FER: variants seen among roughly 807,000 people sequenced by gnomAD.
FER encodes the protein tyrosine-protein kinase Fer.
Under a neutral mutation model 111.0 loss-of-function variants are expected in FER, and 63 were observed. That is an observed-to-expected ratio of 0.57 (90% CI 0.46 to 0.70). FER has a LOEUF of 0.70. Ranked by LOEUF, FER falls within the 30% of genes least tolerant of loss-of-function variation. The pLI is 0.00. For synonymous variants in FER, 327 were observed against 313.9 expected (o/e 1.04, Z -0.44); for missense variants, 914 against 954.0 (o/e 0.96, Z 0.55).
At chr5:109,072,034 CAG>C (rs1382026628) in intron 16 of FER, among the ~76,000 whole-genome samples, 1 of 150,978 alleles carries the variant, frequency 6.6e-6, no homozygotes, top group Non-Finnish European at 1.5e-5. Context: ...AAATATAAAT[CAG>C]AAAGATATTT....
chr5:109,151,872 A>G (rs1754890083), intron 17 of FER, among the ~76,000 whole-genome samples: 1 of 152,164 alleles, frequency 6.6e-6, no homozygotes, highest in Non-Finnish European at 1.5e-5. Context: ...AAAATCAGAA[A>G]GCAAATGACT....
At chr5:108,905,984 G>T (rs759084478) in intron 10 of FER, among the ~76,000 whole-genome samples, 3 of 152,132 alleles carry the variant, frequency 2.0e-5, no homozygotes, top group Non-Finnish European at 4.4e-5. Context: ...TAGAATCTTT[G>T]CTCTAGGGAG....
At chr5:108,813,450 C>G (rs1757968836) in intron 3 of FER, among the ~76,000 whole-genome samples, 2 of 152,098 alleles carry the variant, frequency 1.3e-5, no homozygotes, top group Admixed American at 1.3e-4. Flanking sequence ...AGTTTTCAGG[C>G]ATTATTTTAA....
intron 5 of FER, among the ~76,000 whole-genome samples, chr5:108,854,386 A>G (rs1329743181): frequency 6.6e-6 from 1 of 152,194 alleles, no homozygotes; most frequent in Non-Finnish European, 1.5e-5. Context: ...ATTCACAAAA[A>G]TGTGAAAATT....
intron 17 of FER, among the ~76,000 whole-genome samples, chr5:109,146,288 A>ATATATATC (rs1554148405): frequency 8.7e-6 from 1 of 115,436 alleles, no homozygotes; most frequent in Non-Finnish European, 1.8e-5. Flanking sequence ...ATATATATAT[A>ATATATATC]TATCTTGGGT....
At chr5:108,806,786 C>CT (rs1323920418) in intron 3 of FER, among the ~76,000 whole-genome samples, 4 of 152,134 alleles carry the variant, frequency 2.6e-5, no homozygotes, top group African/African-American at 9.7e-5. Flanking sequence ...TAGGAAGTAA[C>CT]TAAGTTGCTT....
chr5:108,778,756 T>G (rs571842329), intron 2 of FER, among the ~76,000 whole-genome samples: 158 of 152,334 alleles, frequency 1.0e-3, no homozygotes, highest in African/African-American at 3.7e-3. Flanking sequence ...TTTCCCAGTT[T>G]GTGGTTTATC....
In FER at chr5:109,195,623, A is replaced by C. The variant is rs944813351; in HGVS notation, c.*8048A>C. ...TTTCAAATCCATGACCAAAGTGTCCAAAGACATGAAACTCTTATACCTGCT... is the reference window on the plus strand; with the variant it reads ...TTTCAAATCCATGACCAAAGTGTCCCAAGACATGAAACTCTTATACCTGCT... On this transcript the variant is annotated 3_prime_UTR_variant, in exon 20 of 20. Transcript: ENST00000281092. 2 of 152,218 alleles carry C rather than the reference A, an allele frequency of 1.3e-5. No individual in the cohort carries two copies. Among genetic ancestry groups the C allele is most frequent in the Non-Finnish European group, 2.9e-5 (2 of 68,052 alleles). The allele number at this position is 152,218 out of a possible 1,614,324, so 9.4% of individuals were successfully genotyped here. A position where few individuals can be genotyped will look rare whatever the true frequency, so the allele number is the denominator to read the frequency against.
intron 2 of FER, among the ~76,000 whole-genome samples, chr5:108,769,000 T>G (rs1458845052): frequency 8.6e-5 from 13 of 152,036 alleles, no homozygotes; most frequent in Non-Finnish European, 1.5e-5. Flanking sequence ...AATTTTTGTA[T>G]TTTTTTAGAA....
At chr5:108,991,920 G>T (rs186622925) in intron 13 of FER, among the ~76,000 whole-genome samples, 1 of 149,332 alleles carries the variant, frequency 6.7e-6, no homozygotes, top group South Asian at 2.1e-4. Context: ...GGTGTTTCTC[G>T]CAGAGGGGGA....
chr5:108,979,153 A>T (rs1761745190), intron 13 of FER, among the ~76,000 whole-genome samples: 1 of 152,166 alleles, frequency 6.6e-6, no homozygotes, highest in Non-Finnish European at 1.5e-5. Context: ...TAGAAATCCT[A>T]GCTTGTGGTT....
At chr5:109,019,798 C>T (rs1224764730) in intron 13 of FER, among the ~76,000 whole-genome samples, 2 of 151,768 alleles carry the variant, frequency 1.3e-5, no homozygotes, top group African/African-American at 4.8e-5. Flanking sequence ...CTTTTACTTT[C>T]CAAACTTAAC....
intron 17 of FER, among the ~76,000 whole-genome samples, chr5:109,131,549 T>C (rs1381872528): frequency 6.6e-6 from 1 of 152,182 alleles, no homozygotes; most frequent in African/African-American, 2.4e-5. Context: ...ACATTAATTT[T>C]AACATTTACA....
chr5:108,901,109 T>C (rs1749951441), intron 10 of FER, among the ~76,000 whole-genome samples: 1 of 142,112 alleles, frequency 7.0e-6, no homozygotes, highest in Non-Finnish European at 1.5e-5. Flanking sequence ...AACCAAAGGA[T>C]TCTTTTCCTT....
intron 13 of FER, among the ~76,000 whole-genome samples, chr5:109,023,417 G>A (rs1768207155): frequency 6.6e-6 from 1 of 152,088 alleles, no homozygotes; most frequent in African/African-American, 2.4e-5. Context: ...TTTCAAGTAG[G>A]CACTTGGATA....
intron 16 of FER, among the ~76,000 whole-genome samples, chr5:109,074,184 T>C (rs941497157): frequency 3.3e-5 from 5 of 152,152 alleles, no homozygotes; most frequent in Non-Finnish European, 7.4e-5. Flanking sequence ...TCACCATAGT[T>C]CTTTAAAATA....
At position 109,195,032 on chromosome 5, in the gene FER, T is replaced by C. The variant is rs1004846221; in HGVS notation, c.*7457T>C. On this transcript the variant is annotated 3_prime_UTR_variant, in exon 20 of 20. Transcript: ENST00000281092. ...CAGCCTGGCAGTCTTTCCCACCTCATTGGTCCGTGCTTTTATTTTTAAACC... is the reference window on the plus strand; with the variant it reads ...CAGCCTGGCAGTCTTTCCCACCTCACTGGTCCGTGCTTTTATTTTTAAACC... 6.6e-6 allele frequency: 1 copy of C among 152,158 alleles called. No individual in the cohort carries two copies. The highest frequency in any genetic ancestry group is 6.5e-5 in the Admixed American group (1 of 15,276). The allele number at this position is 152,158 out of a possible 1,614,324, so 9.4% of individuals were successfully genotyped here. A position where few individuals can be genotyped will look rare whatever the true frequency, so the allele number is the denominator to read the frequency against.
At chr5:109,156,816 G>A (rs905238371) in intron 17 of FER, among the ~76,000 whole-genome samples, 2 of 152,096 alleles carry the variant, frequency 1.3e-5, no homozygotes, top group South Asian at 2.1e-4. Flanking sequence ...TAACCACAAC[G>A]AAGCTAGAGC....
At chr5:108,992,754 C>T (rs536964955) in intron 13 of FER, among the ~76,000 whole-genome samples, 16,898 of 149,800 alleles carry the variant, frequency 0.11, 876 homozygotes, top group Middle Eastern at 0.15. Context: ...GGGTGGCTGC[C>T]GGGCGGAGGG....
Sources: allele counts gnomAD v4.1 joint callset (sites outside exome capture counted in the v4.1 genomes callset), GRCh38; gene constraint gnomAD v4.1.1; transcripts MANE v1.5; gene names NCBI Gene and HGNC (gene_info 2026-07-23, HGNC 2026-07-21).